Variants in SYT1 observed in about 807,000 individuals in gnomAD.
SYT1 encodes the protein synaptotagmin 1, also known as synaptotagmin-1.
A neutral mutation model predicts 44.8 loss-of-function variants in SYT1; 8 were observed. The ratio of observed to expected loss-of-function variants is 0.18; its 90% CI spans 0.10 to 0.32. The LOEUF is 0.32. Among genes scored for constraint, SYT1 ranks in the 10% least tolerant of loss-of-function variants. SYT1 has a pLI of 1.00. For missense variants in SYT1, 286 were observed against 509.3 expected (o/e 0.56, Z 4.22); for synonymous variants, 154 against 188.8 (o/e 0.82, Z 1.51).
At chr12:79,090,215 T>TA (rs1197206376) in intron 3 of SYT1, among the ~76,000 whole-genome samples, 1 of 152,058 alleles carries the variant, frequency 6.6e-6, no homozygotes, top group East Asian at 1.9e-4. Context: ...ACTATCCCAT[T>TA]AAAAAGTTTT....
chr12:79,369,336 C>T (rs956077615), intron 9 of SYT1, among the ~76,000 whole-genome samples: 9 of 152,100 alleles, frequency 5.9e-5, no homozygotes, highest in African/African-American at 1.9e-4. Context: ...ATTAGCCAGG[C>T]ATGGTGGCAT....
chr12:79,012,521 A>G (rs1300785157), intron 2 of SYT1, among the ~76,000 whole-genome samples: 2 of 152,232 alleles, frequency 1.3e-5, no homozygotes, highest in African/African-American at 2.4e-5. Flanking sequence ...AAATGTAAGT[A>G]TATGTAGAGA....
At chr12:79,194,314 T>C (rs1013738968) in intron 3 of SYT1, among the ~76,000 whole-genome samples, 2 of 152,130 alleles carry the variant, frequency 1.3e-5, no homozygotes, top group African/African-American at 2.4e-5. Flanking sequence ...GTGGGTATGA[T>C]TGGTGTCACC....
At chr12:79,210,803 A>G (rs997050308) in intron 3 of SYT1, among the ~76,000 whole-genome samples, 2 of 152,164 alleles carry the variant, frequency 1.3e-5, no homozygotes, top group Non-Finnish European at 2.9e-5. Flanking sequence ...TTCTAACAAA[A>G]GTATAAATTT....
At chr12:79,265,327 G>A (rs577218746) in intron 4 of SYT1, among the ~76,000 whole-genome samples, 33 of 152,228 alleles carry the variant, frequency 2.2e-4, no homozygotes, top group South Asian at 8.3e-4. Flanking sequence ...AAGTGGCAAA[G>A]CTAGGAGTCC....
intron 2 of SYT1, among the ~76,000 whole-genome samples, chr12:79,008,171 C>G (rs1014009359): frequency 6.6e-6 from 1 of 151,944 alleles, no homozygotes; most frequent in Non-Finnish European, 1.5e-5. Context: ...ATGGTCACCT[C>G]TTAGTTGAAA....
intron 8 of SYT1, among the ~76,000 whole-genome samples, chr12:79,326,174 G>A (rs1410682142): frequency 6.6e-6 from 1 of 152,112 alleles, no homozygotes; most frequent in Non-Finnish European, 1.5e-5. Flanking sequence ...ACAATATCTA[G>A]TGATCAAGAA....
chr12:79,323,037 A>T (rs1881441172), intron 8 of SYT1, among the ~76,000 whole-genome samples: 1 of 152,162 alleles, frequency 6.6e-6, no homozygotes, highest in South Asian at 2.1e-4. Context: ...TAATTCATCA[A>T]AGAAGGTATT....
intron 8 of SYT1, among the ~76,000 whole-genome samples, chr12:79,310,483 T>C (rs944979172): frequency 3.3e-5 from 5 of 152,232 alleles, no homozygotes; most frequent in African/African-American, 4.8e-5. Flanking sequence ...TGGCTTAGGA[T>C]TGACTTGGCA....
chr12:78,901,200 TC>T (rs1252411890), intron 1 of SYT1, among the ~76,000 whole-genome samples: 5 of 152,138 alleles, frequency 3.3e-5, no homozygotes, highest in African/African-American at 1.2e-4. Flanking sequence ...ATGAAGTGTA[TC>T]ATGAAATGTT....
At chr12:79,382,083 ATCAGTCG>A (rs1884246467) in intron 9 of SYT1, among the ~76,000 whole-genome samples, 1 of 152,088 alleles carries the variant, frequency 6.6e-6, no homozygotes, top group African/African-American at 2.4e-5. Context: ...GTGTTTTTCA[ATCAGTCG>A]TCAGGGTACC....
chr12:79,375,790 A>G (rs561845284), intron 9 of SYT1, among the ~76,000 whole-genome samples: 4 of 152,276 alleles, frequency 2.6e-5, no homozygotes, highest in South Asian at 4.1e-4. Context: ...GGGCCATGTC[A>G]TCATCCATAT....
intron 8 of SYT1, among the ~76,000 whole-genome samples, chr12:79,302,646 A>G (rs566876853): frequency 1.3e-5 from 2 of 152,156 alleles, no homozygotes; most frequent in Admixed American, 6.6e-5. Flanking sequence ...ATTCGATTCT[A>G]TCCCCAGGTG....
intron 4 of SYT1, among the ~76,000 whole-genome samples, chr12:79,281,244 T>A (rs1382211340): frequency 3.9e-5 from 6 of 152,112 alleles, no homozygotes; most frequent in African/African-American, 1.4e-4. Context: ...AGGTATGGAA[T>A]CAACCTAAGT....
At chr12:78,910,613 C>T (rs143534014) in intron 1 of SYT1, among the ~76,000 whole-genome samples, 23 of 151,982 alleles carry the variant, frequency 1.5e-4, no homozygotes, top group African/African-American at 4.3e-4. Flanking sequence ...GGAGTAAACA[C>T]GCAACAAGCA....
At chr12:79,119,017 T>C (rs1041563569) in intron 3 of SYT1, among the ~76,000 whole-genome samples, 8 of 152,214 alleles carry the variant, frequency 5.3e-5, no homozygotes, top group Non-Finnish European at 1.0e-4. Flanking sequence ...TTTCCTGTGG[T>C]TGCTGGTACC....
At chr12:79,152,876 T>TAA (rs11334533) in intron 3 of SYT1, among the ~76,000 whole-genome samples, 250 of 123,928 alleles carry the variant, frequency 2.0e-3, no homozygotes, top group African/African-American at 4.4e-3. Flanking sequence ...AAGAAAAATG[T>TAA]AAAAAAAAAA....
chr12:79,318,469 G>T (rs1413282399), intron 8 of SYT1, among the ~76,000 whole-genome samples: 1 of 152,144 alleles, frequency 6.6e-6, no homozygotes, highest in Non-Finnish European at 1.5e-5. Flanking sequence ...TTATATGCAA[G>T]AATAAATTTC....
intron 3 of SYT1, among the ~76,000 whole-genome samples, chr12:79,052,656 A>T (rs1874596317): frequency 7.1e-6 from 1 of 140,674 alleles, no homozygotes; most frequent in Non-Finnish European, 1.7e-5. Flanking sequence ...AAACAAATTT[A>T]CAAGAAAAAA....
Sources: gnomAD v4.1 joint callset for allele counts (sites outside exome capture counted in the v4.1 genomes callset) on GRCh38, gnomAD v4.1.1 for gene constraint, MANE v1.5 for transcripts, NCBI Gene and HGNC (gene_info 2026-07-23, HGNC 2026-07-21) for gene names.